CLSTN2: variants seen among roughly 807,000 people sequenced by gnomAD.
CLSTN2 encodes calsyntenin-2.
In CLSTN2, 48 loss-of-function variants were observed where a neutral mutation model predicts 101.2. The observed-to-expected ratio is 0.47, with a 90% confidence interval of 0.38 to 0.60. The LOEUF (loss-of-function observed/expected upper bound fraction) is 0.60, where lower values mean the gene tolerates loss of function less well. Among genes scored for constraint, CLSTN2 ranks in the 20% least tolerant of loss-of-function variants. The probability of loss-of-function intolerance (pLI) is 0.00; values close to 1 mark genes in which losing one functional copy is unlikely to be tolerated. For synonymous variants in CLSTN2, 481 were observed against 463.6 expected (o/e 1.04, Z -0.48); for missense variants, 1,160 against 1,238.2 (o/e 0.94, Z 0.95).
Position 140,240,152 on chromosome 3 carries a change from G to GTC in CLSTN2, c.232+64101_232+64102dup, listed in dbSNP as rs1491524600. ...ACCTGGTTTCTCTCTCTCTCTCTCT[G>GTC]TCTCTCTCTCTCTCTCTCTCTCTAT... On this transcript the variant is annotated intron_variant, in intron 2 of 16. Coordinates refer to ENST00000458420, the MANE Select transcript of CLSTN2 (RefSeq NM_022131.3). 1.1e-3 allele frequency among the ~76,000 whole-genome samples: 70 copies of GTC among 62,786 alleles called. 1 individual carries two copies. Among genetic ancestry groups the GTC allele is most frequent in the African/African-American group, 4.2e-3 (65 of 15,654 alleles). The allele number at this position is 62,786 out of a possible 152,430, so 41.2% of individuals were successfully genotyped here. A position where few individuals can be genotyped will look rare whatever the true frequency, so the allele number is the denominator to read the frequency against.
At chr3:140,082,437 C>G (rs576939889) in intron 1 of CLSTN2, among the ~76,000 whole-genome samples, 7 of 152,154 alleles carry the variant, frequency 4.6e-5, no homozygotes, top group Non-Finnish European at 1.0e-4. Flanking sequence ...GACAGGCCAA[C>G]AAGGTTGGCA....
chr3:140,015,490 A>G (rs959786240), intron 1 of CLSTN2, among the ~76,000 whole-genome samples: 1 of 152,208 alleles, frequency 6.6e-6, no homozygotes, highest in South Asian at 2.1e-4. Context: ...CTGGGTGTAC[A>G]CTGGAGGTTG....
intron 1 of CLSTN2, among the ~76,000 whole-genome samples, chr3:140,085,294 T>A (rs2008663664): frequency 1.3e-5 from 2 of 152,346 alleles, no homozygotes; most frequent in South Asian, 4.1e-4. Context: ...TTGCACAAGG[T>A]GCTTTTCTTG....
At chr3:140,394,281 A>C (rs1439996761) in intron 2 of CLSTN2, among the ~76,000 whole-genome samples, 1 of 152,200 alleles carries the variant, frequency 6.6e-6, no homozygotes, top group Non-Finnish European at 1.5e-5. Flanking sequence ...TTCATTTTCA[A>C]ATTTATCAAG....
chr3:139,973,329 A>C (rs536221323), intron 1 of CLSTN2, among the ~76,000 whole-genome samples: 5 of 152,366 alleles, frequency 3.3e-5, no homozygotes, highest in African/African-American at 1.2e-4. Context: ...CCAAGCATCA[A>C]GTTCCAGCCA....
intron 2 of CLSTN2, among the ~76,000 whole-genome samples, chr3:140,238,965 T>C (rs752253713): frequency 2.0e-5 from 3 of 152,206 alleles, no homozygotes; most frequent in Non-Finnish European, 4.4e-5. Flanking sequence ...AAAGGAAAGT[T>C]AGATTGCTCA....
chr3:140,376,290 T>C (rs1233667716), intron 2 of CLSTN2, among the ~76,000 whole-genome samples: 1 of 152,164 alleles, frequency 6.6e-6, no homozygotes, highest in African/African-American at 2.4e-5. Context: ...TCACCCCACC[T>C]CCATCAGCTA....
chr3:140,073,596 A>G (rs569234663), intron 1 of CLSTN2, among the ~76,000 whole-genome samples: 3 of 152,306 alleles, frequency 2.0e-5, no homozygotes, highest in East Asian at 3.9e-4. Context: ...GCATCTCCCA[A>G]TGGACCAAGG....
At chr3:140,110,090 C>G (rs2009129364) in intron 1 of CLSTN2, among the ~76,000 whole-genome samples, 1 of 152,180 alleles carries the variant, frequency 6.6e-6, no homozygotes, top group Non-Finnish European at 1.5e-5. Flanking sequence ...CTGGCAATTT[C>G]AAGTTACTAC....
chr3:140,043,487 T>C (rs2007803330), intron 1 of CLSTN2, among the ~76,000 whole-genome samples: 1 of 152,248 alleles, frequency 6.6e-6, no homozygotes, highest in Non-Finnish European at 1.5e-5. Context: ...CTGTTCATTC[T>C]GATGGTAGTT....
chr3:140,185,377 G>T (rs1207262723), intron 2 of CLSTN2, among the ~76,000 whole-genome samples: 2 of 152,140 alleles, frequency 1.3e-5, no homozygotes, highest in African/African-American at 4.8e-5. Context: ...TCTATTGGAA[G>T]AACACTTTAG....
intron 1 of CLSTN2, among the ~76,000 whole-genome samples, chr3:140,027,075 C>G (rs4683466): frequency 0.19 from 28,491 of 152,200 alleles, 2,868 homozygotes; most frequent in Admixed American, 0.29. Flanking sequence ...TTTGAAAGAC[C>G]TTTGATCATA....
chr3:140,496,580 G>A (rs528651415), intron 8 of CLSTN2, among the ~76,000 whole-genome samples: 1 of 152,292 alleles, frequency 6.6e-6, no homozygotes, highest in East Asian at 1.9e-4. Context: ...TACCCATTCA[G>A]TATGATATTG....
intron 2 of CLSTN2, among the ~76,000 whole-genome samples, chr3:140,399,405 C>T (rs958971445): frequency 1.7e-4 from 26 of 152,264 alleles, no homozygotes; most frequent in African/African-American, 5.8e-4. Context: ...AGAATTTTGT[C>T]CTGGGACCTT....
rs1474210562 is a variant in CLSTN2 at position 140,577,368 on chromosome 3, AT to A, written c.*11116del. On this transcript the variant is annotated 3_prime_UTR_variant, in exon 17 of 17. Coordinates refer to ENST00000458420, the MANE Select transcript of CLSTN2 (RefSeq NM_022131.3). ...TATGACACTTTCTGTGAATTGGTGA[AT>A]AAATATGATTTTAGAATTTCACAGT... 6.6e-6 allele frequency: 1 copy of A among 152,200 alleles called. No homozygotes were observed. Among genetic ancestry groups the A allele is most frequent in the African/African-American group, 2.4e-5 (1 of 41,460 alleles). The allele number at this position is 152,200 out of a possible 1,614,324, so 9.4% of individuals were successfully genotyped here.
chr3:140,067,938 T>C (rs2008326798), intron 1 of CLSTN2, among the ~76,000 whole-genome samples: 1 of 152,226 alleles, frequency 6.6e-6, no homozygotes, highest in African/African-American at 2.4e-5. Flanking sequence ...TCAGAAGTGT[T>C]GGTAGAATCT....
chr3:140,542,581 C>T (rs1484687474), intron 9 of CLSTN2, among the ~76,000 whole-genome samples: 1 of 152,106 alleles, frequency 6.6e-6, no homozygotes, highest in Non-Finnish European at 1.5e-5. Context: ...AATCCTGCAT[C>T]ATAACCACCT....
chr3:140,206,501 GGC>G (rs2010784490), intron 2 of CLSTN2, among the ~76,000 whole-genome samples: 1 of 152,148 alleles, frequency 6.6e-6, no homozygotes, highest in South Asian at 2.1e-4. Flanking sequence ...GGCTGGCTCT[GGC>G]TTCTTAATAC....
At chr3:140,077,933 G>T (rs950949302) in intron 1 of CLSTN2, among the ~76,000 whole-genome samples, 3 of 152,186 alleles carry the variant, frequency 2.0e-5, no homozygotes, top group African/African-American at 7.2e-5. Context: ...AAGGCTTGAA[G>T]TTCCTTCTCA....
Sources: allele counts gnomAD v4.1 joint callset (sites outside exome capture counted in the v4.1 genomes callset), GRCh38; gene constraint gnomAD v4.1.1; transcripts MANE v1.5; gene names NCBI Gene and HGNC (gene_info 2026-07-23, HGNC 2026-07-21).